The following CACNA1C variants were observed in gnomAD, a reference collection of about 807,000 sequenced individuals.
CACNA1C encodes voltage-dependent L-type calcium channel subunit alpha-1C.
CACNA1C carries 30 observed loss-of-function variants against 229.0 expected under a neutral mutation model. That is an observed-to-expected ratio of 0.13 (90% CI 0.10 to 0.18). The LOEUF is 0.18. CACNA1C is among the 10% of genes least tolerant of loss of function. The probability of loss-of-function intolerance (pLI) is 1.00; values close to 1 mark genes in which losing one functional copy is unlikely to be tolerated. For synonymous variants in CACNA1C, 1,114 were observed against 1,132.5 expected, an observed-to-expected ratio of 0.98 and a Z score of 0.33; for missense variants, 1,658 against 2,845.0, an observed-to-expected ratio of 0.58 and a Z score of 9.49.
chr12:2,600,429 G>A lies in CACNA1C; in HGVS notation c.2854-1425G>A, dbSNP rs2071354287. Among the ~76,000 whole-genome samples, 4 of 152,270 alleles carry A rather than the reference G, an allele frequency of 2.6e-5. No individual in the cohort carries two copies. In the South Asian group the frequency reaches 8.3e-4, roughly 32 times the overall value. ...TGTGTTTGCTTTTGAATGGCTCTGC[G>A]GACACTCTGCCCTGGGCATGCTCTG... On this transcript the variant is annotated intron_variant, in intron 21 of 46. Transcript: ENST00000399655.
intron 9 of CACNA1C, among the ~76,000 whole-genome samples, chr12:2,545,212 A>ATTTTT (rs56971243): frequency 1.3e-4 from 17 of 131,638 alleles, no homozygotes; most frequent in South Asian, 2.4e-4. Context: ...CAAAACAATG[A>ATTTTT]TTTTTTTTTT....
At position 2,632,921 on chromosome 12, in the gene CACNA1C, T is replaced by C. The variant is rs2091172930; in HGVS notation, c.3829-1376T>C. On this transcript the variant is annotated intron_variant, in intron 29 of 46. Coordinates refer to ENST00000399655, the MANE Select transcript of CACNA1C (RefSeq NM_000719.7). The surrounding 1 kb of genome is among the most constrained non-coding windows in gnomAD (Gnocchi z 4.1). Reference sequence around the variant, plus strand: ...CTCTGTCTCCTTTCCCTTAGGAAAGTCTTTGCCAGGGTTGGAACTGCCCCT... The same window carrying C: ...CTCTGTCTCCTTTCCCTTAGGAAAGCCTTTGCCAGGGTTGGAACTGCCCCT... Among the ~76,000 whole-genome samples, 1 of 152,160 alleles carries C rather than the reference T, an allele frequency of 6.6e-6. No homozygotes were observed. Among genetic ancestry groups the C allele is most frequent in the Non-Finnish European group, 1.5e-5 (1 of 68,008 alleles).
chr12:2,191,701 C>T (rs1045587473), intron 3 of CACNA1C, among the ~76,000 whole-genome samples: 1 of 151,712 alleles, frequency 6.6e-6, no homozygotes, highest in Admixed American at 6.6e-5. Context: ...CAGGCACATG[C>T]ACACATGGTC....
chr12:2,331,275 C>G (rs561166046), intron 3 of CACNA1C, among the ~76,000 whole-genome samples: 49 of 152,264 alleles, frequency 3.2e-4, no homozygotes, highest in African/African-American at 1.0e-3. Flanking sequence ...GGATTATGTA[C>G]ATACACACAT....
In CACNA1C at chr12:2,346,589, C is replaced by G. The variant is rs2238068; in HGVS notation, c.478-102387C>G. On this transcript the variant is annotated intron_variant, in intron 3 of 46. Transcript: ENST00000399655. The surrounding 1 kb of genome is among the most constrained non-coding windows in gnomAD (Gnocchi z 4.4). ...CACATACTCCCCCATTTCTCTTAGC[C>G]GGCCCCAGTGTGTGTCCTGGGGGCG... Among the ~76,000 whole-genome samples, 913 of 152,210 alleles carry G rather than the reference C, an allele frequency of 6.0e-3. 23 individuals carry two copies. The East Asian group carries it at 0.12, about 19-fold the overall frequency.
At chr12:2,463,041 T>C (rs1365082684) in intron 5 of CACNA1C, among the ~76,000 whole-genome samples, 3 of 151,196 alleles carry the variant, frequency 2.0e-5, no homozygotes, top group Non-Finnish European at 4.4e-5. Flanking sequence ...GCCTCCCGAG[T>C]AGCTGGGACT....
chr12:2,384,849 C>A (rs1567371528), intron 3 of CACNA1C, among the ~76,000 whole-genome samples: 1 of 152,168 alleles, frequency 6.6e-6, no homozygotes, highest in Admixed American at 6.5e-5. Flanking sequence ...CTTGGCTTAG[C>A]AAATCTTTTT....
In CACNA1C at chr12:2,090,510, G is replaced by T. The variant is rs1299793672; in HGVS notation, c.50-24714G>T. 5.3e-5 allele frequency among the ~76,000 whole-genome samples: 8 copies of T among 152,006 alleles called. No homozygotes were observed. The South Asian group carries it at 8.3e-4, about 16-fold the overall frequency. On this transcript the variant is annotated intron_variant, in intron 1 of 46. Transcript: ENST00000399655. ...TTTTTGTATTCTTAGTAGAGACAGG[G>T]TTTCACCATGTTGGCCAGGCTGGTC...
Position 2,053,667 on chromosome 12 carries a change from T to TGCCCTACCC in CACNA1C, c.49+59_49+67dup. 2 of 1,360,166 alleles carry TGCCCTACCC rather than the reference T, an allele frequency of 1.5e-6. No individual in the cohort carries two copies. Among genetic ancestry groups the TGCCCTACCC allele is most frequent in the Admixed American group, 2.3e-5 (1 of 42,678 alleles). 84.3% of individuals were successfully genotyped at this position (1,360,166 alleles called of 1,614,324 possible). The stretch of plus-strand genomic sequence containing the variant: ...CTCCCTGCCTTTTCCACCGGGTTCC[T>TGCCCTACCC]GCCCTACCCGCGCTCCCCGCGGCCC... On this transcript the variant is annotated intron_variant, in intron 1 of 46. Transcript: ENST00000399655. This position sits in a 1 kb window ranked among gnomAD's most constrained non-coding sequence, Gnocchi z 5.8.
chr12:2,556,589 T>C (rs2044407906), intron 10 of CACNA1C, among the ~76,000 whole-genome samples: 1 of 152,220 alleles, frequency 6.6e-6, no homozygotes, highest in Non-Finnish European at 1.5e-5. Context: ...ATTTTTCTGC[T>C]GTTGGGGTCC....
In CACNA1C at chr12:2,169,075, T is replaced by C. The variant is rs561228728; in HGVS notation, c.477+48645T>C. On this transcript the variant is annotated intron_variant, in intron 3 of 46. Transcript: ENST00000399655. The stretch of plus-strand genomic sequence containing the variant: ...TCGCCTTCAGCATGACACATTTTTC[T>C]GTGCTTTGCCTCGTTAAGAGCTCAG... Among the ~76,000 whole-genome samples the C allele has an allele frequency of 3.9e-5, 6 of 152,336 alleles. No individual in the cohort carries two copies. In the East Asian group the frequency reaches 1.2e-3, roughly 29 times the overall value.
Position 2,676,979 on chromosome 12 carries a change from C to T in CACNA1C, c.4829-115C>T, listed in dbSNP as rs1230469272. 4.8e-6 allele frequency: 4 copies of T among 839,238 alleles called. No individual in the cohort carries two copies. In the African/African-American group the frequency reaches 5.1e-5, roughly 11 times the overall value. 52.0% of individuals were successfully genotyped at this position (839,238 alleles called of 1,614,324 possible). A position where few individuals can be genotyped will look rare whatever the true frequency, so the allele number is the denominator to read the frequency against. On this transcript the variant is annotated intron_variant, in intron 39 of 46. Coordinates refer to ENST00000399655, the MANE Select transcript of CACNA1C (RefSeq NM_000719.7). ...TTTAAGCCATGTGAATGTATTACCT[C>T]TCCAAAAATATTAAAGTTTTAAAAA... is the stretch of plus-strand genomic sequence containing the variant.
At chr12:2,332,460 T>C (rs148738231) in intron 3 of CACNA1C, among the ~76,000 whole-genome samples, 165 of 152,356 alleles carry the variant, frequency 1.1e-3, no homozygotes, top group African/African-American at 3.0e-3. Flanking sequence ...TCCTAAACCC[T>C]AGCCACAGGA....
At chr12:2,356,354 G>A (rs905739850) in intron 3 of CACNA1C, among the ~76,000 whole-genome samples, 1 of 152,244 alleles carries the variant, frequency 6.6e-6, no homozygotes, top group African/African-American at 2.4e-5. Context: ...TGCCCCAACT[G>A]TCTGTTGAGG....
chr12:2,352,364 TAA>T (rs1042913186), intron 3 of CACNA1C, among the ~76,000 whole-genome samples: 71 of 152,322 alleles, frequency 4.7e-4, no homozygotes, highest in Middle Eastern at 3.4e-3. Context: ...ATTCTTATGC[TAA>T]AAAAAGTCTT....
chr12:2,514,801 A>G (rs2099792849), intron 9 of CACNA1C, among the ~76,000 whole-genome samples: 1 of 151,956 alleles, frequency 6.6e-6, no homozygotes, highest in African/African-American at 2.4e-5. Context: ...CGCCTAAAAC[A>G]GGAGCTTCCA....
chr12:2,585,260 G>C lies in CACNA1C; in HGVS notation c.2340-116G>C. The stretch of plus-strand genomic sequence containing the variant: ...TCCTGGAGAAAGGAAGATGGACTCA[G>C]ACCCAGGGGATCTGTCCCCTCTGGC... On this transcript the variant is annotated intron_variant, in intron 16 of 46. Coordinates refer to ENST00000399655, the MANE Select transcript of CACNA1C (RefSeq NM_000719.7). This position sits in a 1 kb window ranked among gnomAD's most constrained non-coding sequence, Gnocchi z 4.1. 1 of 997,958 alleles carries C rather than the reference G, an allele frequency of 1.0e-6. No individual in the cohort carries two copies. Among genetic ancestry groups the C allele is most frequent in the Non-Finnish European group, 1.4e-6 (1 of 705,056 alleles). The allele number at this position is 997,958 out of a possible 1,614,324, so 61.8% of individuals were successfully genotyped here.
At chr12:2,080,136 C>G (rs567738965) in intron 1 of CACNA1C, among the ~76,000 whole-genome samples, 2 of 152,254 alleles carry the variant, frequency 1.3e-5, no homozygotes, top group South Asian at 4.2e-4. Flanking sequence ...GTGGCACACA[C>G]CTATAGTCCC....
intron 3 of CACNA1C, among the ~76,000 whole-genome samples, chr12:2,377,069 A>G (rs1368969496): frequency 6.6e-6 from 1 of 152,018 alleles, no homozygotes; most frequent in Non-Finnish European, 1.5e-5. Flanking sequence ...TAATTAGGGG[A>G]GGGGCAGCTC....
Sources: gnomAD v4.1 joint callset for allele counts (sites outside exome capture counted in the v4.1 genomes callset) on GRCh38, gnomAD v4.1.1 for gene constraint, Gnocchi (gnomAD v3.1) non-coding constraint, MANE v1.5 for transcripts, NCBI Gene and HGNC (gene_info 2026-07-23, HGNC 2026-07-21) for gene names.